RASGEF1A: variants seen among roughly 807,000 people sequenced by gnomAD.
RASGEF1A encodes ras-GEF domain-containing family member 1A.
Under a neutral mutation model 56.4 loss-of-function variants are expected in RASGEF1A, and 18 were observed. That is an observed-to-expected ratio of 0.32 (90% CI 0.22 to 0.47). RASGEF1A has a LOEUF of 0.47. Ranked by LOEUF, RASGEF1A falls within the 20% of genes least tolerant of loss-of-function variation. RASGEF1A has a pLI of 1.00. For missense variants in RASGEF1A, 422 were observed against 627.1 expected (o/e 0.67, Z 3.49); for synonymous variants, 245 against 242.6 (o/e 1.01, Z -0.09).
intron 5 of RASGEF1A, 69 bp from the exon 6 acceptor site, chr10:43,200,325 T>C (rs1227216258): frequency 1.2e-4 from 160 of 1,384,130 alleles, no homozygotes; most frequent in Non-Finnish European, 1.5e-4. Flanking sequence ...TGCATAGGCA[T>C]GCGGACAGGG....
intron 4 of RASGEF1A, among the ~76,000 whole-genome samples, chr10:43,201,438 C>A (rs945432775): frequency 6.6e-6 from 1 of 152,206 alleles, no homozygotes; most frequent in African/African-American, 2.4e-5. Flanking sequence ...AAATGGGAGA[C>A]CGGTTTAAAG....
chr10:43,264,832 G>C (rs1430968075), intron 1 of RASGEF1A, among the ~76,000 whole-genome samples: 1 of 152,092 alleles, frequency 6.6e-6, no homozygotes, highest in African/African-American at 2.4e-5. Flanking sequence ...AGGACAGTGG[G>C]GGGGCCAAAC....
intron 1 of RASGEF1A, among the ~76,000 whole-genome samples, chr10:43,238,137 G>A (rs2133215820): frequency 6.6e-6 from 1 of 152,258 alleles, no homozygotes; most frequent in South Asian, 2.1e-4. Context: ...CTGCCTTCAG[G>A]AGGGTTTGCC....
intron 1 of RASGEF1A, among the ~76,000 whole-genome samples, chr10:43,235,580 G>A (rs1258018024): frequency 6.6e-6 from 1 of 152,228 alleles, no homozygotes; most frequent in Non-Finnish European, 1.5e-5. Flanking sequence ...TAAAAAGGCA[G>A]TGCCAAGGCG....
At chr10:43,207,182 T>A in intron 1 of RASGEF1A, 1 of 985,438 alleles carries the variant, frequency 1.0e-6, no homozygotes, top group Non-Finnish European at 1.2e-6. Context: ...AGCCTCAACC[T>A]CCTGGCCCTC....
At chr10:43,206,577 G>A (rs963752434) in intron 1 of RASGEF1A, 18 of 1,001,432 alleles carry the variant, frequency 1.8e-5, no homozygotes, top group African/African-American at 1.4e-4. Flanking sequence ...TGTGTGCAGC[G>A]GGGAGCTGGG....
At position 43,200,215 on chromosome 10, in the gene RASGEF1A, G is replaced by A. The variant is rs371709436; in HGVS notation, c.723C>T (p.Ile241=). 3.1e-6 allele frequency: 5 copies of A among 1,606,932 alleles called. No individual in the cohort carries two copies. The highest frequency in any genetic ancestry group is 2.2e-5 in the East Asian group (1 of 44,736). ...SSIYPEDLMQ[I]VSHMDSLDNH... is the part of the protein sequence containing the mutation. Reference sequence around the variant, plus strand: ...TGTCCAAGGAGTCCATGTGGCTGACGATCTGCATCAAGTCCTCAGGGTAAA... The same window carrying A: ...TGTCCAAGGAGTCCATGTGGCTGACAATCTGCATCAAGTCCTCAGGGTAAA... The change falls in exon 6 of 13, where the codon ATC becomes ATT. Residue 241 remains isoleucine, a synonymous_variant. Transcript: ENST00000395810.
chr10:43,212,286 C>G (rs1840079339), intron 1 of RASGEF1A, among the ~76,000 whole-genome samples: 1 of 152,214 alleles, frequency 6.6e-6, no homozygotes, highest in Non-Finnish European at 1.5e-5. Flanking sequence ...ACTGTGCTTC[C>G]CAATAAAGCG....
chr10:43,236,500 A>G (rs1840432467), intron 1 of RASGEF1A, among the ~76,000 whole-genome samples: 1 of 152,208 alleles, frequency 6.6e-6, no homozygotes, highest in Admixed American at 6.5e-5. Context: ...TGCGCCTATA[A>G]AACAGACAAG....
At chr10:43,227,795 GC>G (rs1284244277) in intron 1 of RASGEF1A, among the ~76,000 whole-genome samples, 1 of 152,048 alleles carries the variant, frequency 6.6e-6, no homozygotes, top group African/African-American at 2.4e-5. Flanking sequence ...CTGCCATCTT[GC>G]CCACCTCTAA....
At chr10:43,257,973 G>T (rs1364196106) in intron 1 of RASGEF1A, among the ~76,000 whole-genome samples, 2 of 152,232 alleles carry the variant, frequency 1.3e-5, no homozygotes, top group Admixed American at 1.3e-4. Flanking sequence ...GCCTGGGCCA[G>T]GACATGAGGG....
chr10:43,229,626 C>A (rs905948469), intron 1 of RASGEF1A: 3 of 1,493,434 alleles, frequency 2.0e-6, no homozygotes, highest in Non-Finnish European at 2.7e-6. Context: ...CTGGGCCCGC[C>A]GCAGCCCTAC....
At chr10:43,254,687 A>C (rs1840667991) in intron 1 of RASGEF1A, among the ~76,000 whole-genome samples, 2 of 152,156 alleles carry the variant, frequency 1.3e-5, no homozygotes. Context: ...TCCCTGAGCA[A>C]GTCTCTGTGG....
chr10:43,199,500 G>A (rs1839857690), intron 7 of RASGEF1A, among the ~76,000 whole-genome samples, 176 bp downstream of exon 7: 1 of 152,238 alleles, frequency 6.6e-6, no homozygotes, highest in Non-Finnish European at 1.5e-5. Context: ...GGTGTCTGTT[G>A]TCATTGAAGG....
chr10:43,246,905 TAA>T (rs1018651715), intron 1 of RASGEF1A, among the ~76,000 whole-genome samples: 1 of 152,226 alleles, frequency 6.6e-6, no homozygotes, highest in African/African-American at 2.4e-5. Flanking sequence ...AGTCAAATTT[TAA>T]AAGAGATAAA....
intron 1 of RASGEF1A, among the ~76,000 whole-genome samples, chr10:43,225,439 G>A (rs1444414889): frequency 6.6e-6 from 1 of 151,534 alleles, no homozygotes; most frequent in Non-Finnish European, 1.5e-5. Context: ...GTCTCTGTAT[G>A]TGTCTGTGTT....
chr10:43,226,538 G>A (rs910994085), intron 1 of RASGEF1A, among the ~76,000 whole-genome samples: 2 of 151,726 alleles, frequency 1.3e-5, no homozygotes, highest in African/African-American at 4.8e-5. Context: ...CCACCTGACT[G>A]TCCCCGGGTT....
intron 1 of RASGEF1A, among the ~76,000 whole-genome samples, chr10:43,215,549 C>G (rs1003144526): frequency 3.3e-5 from 5 of 152,196 alleles, no homozygotes; most frequent in African/African-American, 9.6e-5. Context: ...GCCACGGACC[C>G]GACAGAATGG....
At chr10:43,215,249 C>T (rs1037129150) in intron 1 of RASGEF1A, among the ~76,000 whole-genome samples, 1 of 152,144 alleles carries the variant, frequency 6.6e-6, no homozygotes, top group Admixed American at 6.5e-5. Context: ...AGGAGGGGTT[C>T]GAGCCAGCCC....
Sources: allele counts gnomAD v4.1 joint callset (sites outside exome capture counted in the v4.1 genomes callset), GRCh38; gene constraint gnomAD v4.1.1; transcripts MANE v1.5; gene names NCBI Gene and HGNC (gene_info 2026-07-23, HGNC 2026-07-21).